Variants in VPS72 observed in about 807,000 individuals in gnomAD.
VPS72 encodes vacuolar protein sorting 72 homolog, also known as vacuolar protein sorting-associated protein 72 homolog.
In VPS72, 27 loss-of-function variants were observed where a neutral mutation model predicts 38.9. That is an observed-to-expected ratio of 0.69 (90% CI 0.51 to 0.96). VPS72 has a LOEUF of 0.96. Among genes scored for constraint, VPS72 ranks in the 40% least tolerant of loss-of-function variants. The pLI is 0.00. For synonymous variants in VPS72, 173 were observed against 186.3 expected, an observed-to-expected ratio of 0.93 and a Z score of 0.58; for missense variants, 360 against 479.5, an observed-to-expected ratio of 0.75 and a Z score of 2.33.
chr1:151,181,418 T>C (rs1349908264), intron 4 of VPS72, among the ~76,000 whole-genome samples: 1 of 152,070 alleles, frequency 6.6e-6, no homozygotes, highest in East Asian at 1.9e-4. Context: ...TAATTTTTTG[T>C]ATGTTTAGTA....
intron 4 of VPS72, among the ~76,000 whole-genome samples, chr1:151,183,628 A>AT (rs1261898946): frequency 6.6e-6 from 1 of 150,932 alleles, no homozygotes; most frequent in Non-Finnish European, 1.5e-5. Flanking sequence ...TGCCCAGCTA[A>AT]TTTTTGTATT....
chr1:151,178,351 T>A (rs1305597438), intron 4 of VPS72, among the ~76,000 whole-genome samples: 4 of 152,342 alleles, frequency 2.6e-5, no homozygotes, highest in Middle Eastern at 3.4e-3. Flanking sequence ...ACATCCTCTC[T>A]GCTCATTTCT....
At chr1:151,181,246 C>CTT (rs60085121) in intron 4 of VPS72, among the ~76,000 whole-genome samples, 6,426 of 135,956 alleles carry the variant, frequency 0.047, 255 homozygotes, top group Non-Finnish European at 0.072. Context: ...TGTCACTTTA[C>CTT]TTTTTTTTTT....
At chr1:151,188,075 C>G (rs1228360891) in intron 1 of VPS72, among the ~76,000 whole-genome samples, 1 of 151,002 alleles carries the variant, frequency 6.6e-6, no homozygotes, top group African/African-American at 2.4e-5. Flanking sequence ...CAGAGTCTCA[C>G]TCTGTCGCCC....
At chr1:151,185,348 A>G (rs894292767) in intron 3 of VPS72, among the ~76,000 whole-genome samples, 158 bp downstream of exon 3, 5 of 151,976 alleles carry the variant, frequency 3.3e-5, no homozygotes, top group Admixed American at 2.6e-4. Flanking sequence ...CTGGTATCGA[A>G]CTCCTGACCT....
At chr1:151,177,128 TG>T in intron 5 of VPS72, 97 bp from the exon 6 acceptor site, 1 of 1,295,152 alleles carries the variant, frequency 7.7e-7, no homozygotes, top group Non-Finnish European at 1.0e-6. Context: ...GGCTCACACC[TG>T]TAATTCCAGC....
At chr1:151,179,524 A>T (rs1168354241) in intron 4 of VPS72, among the ~76,000 whole-genome samples, 1 of 151,706 alleles carries the variant, frequency 6.6e-6, no homozygotes, top group African/African-American at 2.4e-5. Context: ...GCGTGAACCC[A>T]GGAGGCAGAG....
intron 5 of VPS72, 109 bp downstream of exon 5, chr1:151,177,892 A>C: frequency 4.5e-6 from 6 of 1,321,170 alleles, no homozygotes; most frequent in Non-Finnish European, 6.2e-6. Flanking sequence ...TAGGAATCTG[A>C]AAGAAATCTC....
At chr1:151,183,421 C>CA (rs769884773) in intron 4 of VPS72, among the ~76,000 whole-genome samples, 521 of 50,762 alleles carry the variant, frequency 0.01, 6 homozygotes, top group South Asian at 0.045. Flanking sequence ...GACTCTGTCT[C>CA]AAAAAAAAAA....
Position 151,176,756 on chromosome 1 carries a change from G to A in VPS72, c.983C>T (p.Thr328Ile). 1 of 1,614,230 alleles carries A rather than the reference G, an allele frequency of 6.2e-7. No homozygotes were observed. Among genetic ancestry groups the A allele is most frequent in the Non-Finnish European group, 8.5e-7 (1 of 1,180,038 alleles). Residue 328 changes from threonine (T) to isoleucine (I), a missense_variant, in exon 6 of 6, where the codon ACT (threonine) becomes ATT (isoleucine). Thr to Ile is a moderately conservative substitution (Grantham distance 89). Coordinates refer to ENST00000368892, the MANE Select transcript of VPS72 (RefSeq NM_005997.3). ...IIREAYKKYI[T>I]AHGLPPTASA... ...GGCAGTGGGCGGCAGTCCATGGGCA[G>A]TAATGTACTTCTTGTAAGCCTCACG...
intron 1 of VPS72, among the ~76,000 whole-genome samples, chr1:151,189,042 G>A (rs757492474): frequency 2.0e-5 from 3 of 152,102 alleles, no homozygotes; most frequent in Non-Finnish European, 4.4e-5. Flanking sequence ...TGTTGGCCAG[G>A]ATGGTCTCGA....
chr1:151,188,350 G>A (rs1335697832), intron 1 of VPS72, among the ~76,000 whole-genome samples: 1 of 152,094 alleles, frequency 6.6e-6, no homozygotes, highest in East Asian at 1.9e-4. Flanking sequence ...AGTCCTGTGG[G>A]TTCTATTCCT....
At chr1:151,182,516 ACTTTAC>A (rs1684262097) in intron 4 of VPS72, among the ~76,000 whole-genome samples, 1 of 152,232 alleles carries the variant, frequency 6.6e-6, no homozygotes, top group African/African-American at 2.4e-5. Context: ...AATAAAAACA[ACTTTAC>A]CTTAATCTCA....
intron 4 of VPS72, among the ~76,000 whole-genome samples, chr1:151,181,997 G>A (rs1446956863): frequency 6.6e-6 from 1 of 152,078 alleles, no homozygotes; most frequent in African/African-American, 2.4e-5. Flanking sequence ...GGGATTACAG[G>A]CATGAGCCAC....
rs587596032 is a variant in VPS72 at position 151,178,292 on chromosome 1, G to A, written c.563-147C>T. 52 of 1,069,080 alleles carry A rather than the reference G, an allele frequency of 4.9e-5. No individual in the cohort carries two copies. In the South Asian group the frequency reaches 7.7e-4, roughly 16 times the overall value. The allele number at this position is 1,069,080 out of a possible 1,614,324, so 66.2% of individuals were successfully genotyped here. Reference sequence around the variant, plus strand: ...ACAACTATGGAAGTCCCCTAAGGCCGTCTGGCACCTCCCATTTTGTAAGTT... The same window carrying A: ...ACAACTATGGAAGTCCCCTAAGGCCATCTGGCACCTCCCATTTTGTAAGTT... On this transcript the variant is annotated intron_variant, in intron 4 of 5. Transcript: ENST00000368892.
At chr1:151,187,382 A>G (rs1056354774) in intron 1 of VPS72, among the ~76,000 whole-genome samples, 13 of 152,198 alleles carry the variant, frequency 8.5e-5, no homozygotes, top group African/African-American at 2.7e-4. Flanking sequence ...CCAGAGTTCA[A>G]TTTTGCACTG....
chr1:151,181,246 C>CT (rs60085121), intron 4 of VPS72, among the ~76,000 whole-genome samples: 79,244 of 135,852 alleles, frequency 0.58, 23,395 homozygotes, highest in Middle Eastern at 0.66. Flanking sequence ...TGTCACTTTA[C>CT]TTTTTTTTTT....
intron 4 of VPS72, among the ~76,000 whole-genome samples, chr1:151,178,488 G>A (rs970859184): frequency 2.0e-5 from 3 of 152,116 alleles, no homozygotes; most frequent in African/African-American, 7.2e-5. Context: ...CTACAGCTGG[G>A]TGTGCTGGCA....
chr1:151,188,378 TTC>T (rs1333871551), intron 1 of VPS72, among the ~76,000 whole-genome samples: 4 of 152,198 alleles, frequency 2.6e-5, no homozygotes, highest in South Asian at 2.1e-4. Context: ...TCTTGAATCT[TTC>T]TGTTTCTCTA....
Sources: allele counts gnomAD v4.1 joint callset (sites outside exome capture counted in the v4.1 genomes callset), GRCh38; gene constraint gnomAD v4.1.1; transcripts MANE v1.5; gene names NCBI Gene and HGNC (gene_info 2026-07-23, HGNC 2026-07-21).